EYS: variants seen among roughly 807,000 people sequenced by gnomAD.
EYS encodes EGF-like photoreceptor maintenance factor, also known as protein eyes shut homolog.
Under a neutral mutation model 282.1 loss-of-function variants are expected in EYS, and 250 were observed. The observed-to-expected ratio is 0.89, with a 90% CI of 0.80 to 0.98. The LOEUF (loss-of-function observed/expected upper bound fraction) is 0.98, where lower values mean the gene tolerates loss of function less well. Among genes scored for constraint, EYS ranks in the 50% least tolerant of loss-of-function variants. The probability of loss-of-function intolerance (pLI) is 0.00; values close to 1 mark genes in which losing one functional copy is unlikely to be tolerated. For missense variants in EYS, 4,016 were observed against 3,709.0 expected (o/e 1.08, Z -2.15); for synonymous variants, 1,355 against 1,282.9 (o/e 1.06, Z -1.20).
chr6:65,626,996 CTT>C (rs1315882807), intron 2 of EYS, among the ~76,000 whole-genome samples: 1 of 141,820 alleles, frequency 7.1e-6, no homozygotes, highest in Non-Finnish European at 1.5e-5. Context: ...TTCAGCCTGC[CTT>C]TCTTTCTCTC....
intron 31 of EYS, among the ~76,000 whole-genome samples, chr6:64,154,398 C>A (rs1317423442): frequency 6.9e-6 from 1 of 145,742 alleles, no homozygotes; most frequent in Non-Finnish European, 1.5e-5. Context: ...CGAGATCACA[C>A]CATTGTACTC....
At chr6:64,347,923 C>G (rs959145415) in intron 29 of EYS, among the ~76,000 whole-genome samples, 5 of 151,328 alleles carry the variant, frequency 3.3e-5, no homozygotes, top group Non-Finnish European at 4.4e-5. Flanking sequence ...TTACTCTCAA[C>G]CTCTACTCAC....
chr6:63,725,913 CTA>C (rs1420475624), intron 42 of EYS, among the ~76,000 whole-genome samples: 1 of 151,988 alleles, frequency 6.6e-6, no homozygotes, highest in Non-Finnish European at 1.5e-5. Context: ...AGAGATGTAA[CTA>C]TATGTGCAGA....
chr6:64,216,753 C>T (rs1457369185), intron 31 of EYS, among the ~76,000 whole-genome samples: 2 of 152,174 alleles, frequency 1.3e-5, no homozygotes, highest in Admixed American at 6.6e-5. Context: ...CTTTCAGAGG[C>T]TGCTCCTTAG....
intron 22 of EYS, among the ~76,000 whole-genome samples, chr6:64,744,949 G>T (rs984467160): frequency 1.3e-5 from 2 of 151,996 alleles, no homozygotes; most frequent in Non-Finnish European, 2.9e-5. Flanking sequence ...TAAAAACTCT[G>T]GAACAGTTAT....
intron 22 of EYS, among the ~76,000 whole-genome samples, chr6:64,772,978 ACTTTT>A (rs1385737353): frequency 4.0e-5 from 6 of 151,710 alleles, no homozygotes; most frequent in Non-Finnish European, 4.4e-5. Flanking sequence ...TCCTTTCTCA[ACTTTT>A]CTTTTCCACT....
At chr6:65,054,172 A>C (rs868769955) in intron 13 of EYS, among the ~76,000 whole-genome samples, 9 of 152,002 alleles carry the variant, frequency 5.9e-5, no homozygotes, top group African/African-American at 1.9e-4. Context: ...TAGCATTCAA[A>C]GGTTAATTCT....
chr6:65,003,297 A>C (rs1771527364), intron 13 of EYS, among the ~76,000 whole-genome samples: 1 of 147,382 alleles, frequency 6.8e-6, no homozygotes, highest in African/African-American at 2.4e-5. Context: ...GCAGGCGTGA[A>C]ATAGACCCCA....
intron 19 of EYS, among the ~76,000 whole-genome samples, chr6:64,825,609 G>A (rs923814906): frequency 1.3e-5 from 2 of 151,872 alleles, no homozygotes; most frequent in Non-Finnish European, 2.9e-5. Flanking sequence ...TCCTTGCGAA[G>A]GTGAGAGTCA....
At chr6:64,611,750 T>C (rs907231248) in intron 24 of EYS, among the ~76,000 whole-genome samples, 35 of 152,176 alleles carry the variant, frequency 2.3e-4, no homozygotes, top group African/African-American at 7.7e-4. Context: ...TGTATATGTA[T>C]TTCTTTATAA....
intron 26 of EYS, among the ~76,000 whole-genome samples, chr6:64,545,050 T>G (rs1582876135): frequency 6.6e-6 from 1 of 152,266 alleles, no homozygotes; most frequent in South Asian, 2.1e-4. Flanking sequence ...TACCAAAGCC[T>G]AGCAGAGACA....
rs917824298 is a variant in EYS, at chr6:63,756,672, G to A, written c.8071+5789C>T. ...GTTAGGGAGTGTTGTGGGAAGTCAG[G>A]ACCCCAAACGGAGGGACTGGCTGGA... On this transcript the variant is annotated intron_variant, in intron 41 of 42. Coordinates refer to ENST00000503581, the MANE Select transcript of EYS (RefSeq NM_001142800.2). Among the ~76,000 whole-genome samples, 5 of 151,996 alleles carry A rather than the reference G, an allele frequency of 3.3e-5. 1 individual carries two copies. The South Asian group carries it at 6.2e-4, about 19-fold the overall frequency.
At chr6:64,643,188 C>G (rs942892600) in intron 22 of EYS, among the ~76,000 whole-genome samples, 2 of 151,846 alleles carry the variant, frequency 1.3e-5, no homozygotes, top group Non-Finnish European at 2.9e-5. Context: ...AATGCACCCA[C>G]TTCCTTTCTT....
At chr6:64,319,730 G>GATAC (rs762061823) in intron 29 of EYS, among the ~76,000 whole-genome samples, 3 of 151,576 alleles carry the variant, frequency 2.0e-5, no homozygotes, top group African/African-American at 7.3e-5. Flanking sequence ...TGGATGGATA[G>GATAC]ACAGATAGAT....
At chr6:65,361,363 T>TA (rs10707255) in intron 8 of EYS, among the ~76,000 whole-genome samples, 20 of 151,666 alleles carry the variant, frequency 1.3e-4, no homozygotes, top group East Asian at 3.9e-4. Flanking sequence ...TAAAGTATAA[T>TA]AAAAAAAAAG....
intron 12 of EYS, among the ~76,000 whole-genome samples, chr6:65,284,983 T>A (rs1403122110): frequency 6.6e-6 from 1 of 152,090 alleles, no homozygotes; most frequent in Non-Finnish European, 1.5e-5. Context: ...TCCTTCTTTC[T>A]TAAACATGTG....
At chr6:65,344,767 A>C (rs1389806871) in intron 9 of EYS, among the ~76,000 whole-genome samples, 1 of 151,658 alleles carries the variant, frequency 6.6e-6, no homozygotes. Flanking sequence ...AAAATGGTAA[A>C]TCTCAGAATT....
chr6:64,788,303 C>T lies in EYS; in HGVS notation c.3443+25075G>A, dbSNP rs544436547. ...GAGGTGGGGGAGCTGGTCCTACCTA[C>T]GGCCTGGAAATCAGAAGCTTGAGTG... On this transcript the variant is annotated intron_variant, in intron 22 of 42. Coordinates refer to ENST00000503581, the MANE Select transcript of EYS (RefSeq NM_001142800.2). Among the ~76,000 whole-genome samples the T allele has an allele frequency of 1.2e-4, 19 of 152,172 alleles. No individual in the cohort carries two copies. The East Asian group carries it at 1.7e-3, about 14-fold the overall frequency.
At position 65,344,077 on chromosome 6, in the gene EYS, A is replaced by G. The variant is rs769726523; in HGVS notation, c.1560T>C (p.Asn520=). 4 of 1,610,482 alleles carry G rather than the reference A, an allele frequency of 2.5e-6. No homozygotes were observed. Among genetic ancestry groups the G allele is most frequent in the Admixed American group, 1.7e-5 (1 of 59,712 alleles). The change falls in exon 10 of 43, where the codon AAT becomes AAC. Residue 520 remains asparagine (N), a synonymous_variant. Coordinates refer to ENST00000503581, the MANE Select transcript of EYS (RefSeq NM_001142800.2). The part of the protein sequence containing the change: ...DATYVNDPED[N]NSSCWFPHEG... Reference sequence around the variant, plus strand: ...CATGTGGGAACCAACATGAAGAATTATTATCTTCAGGATCGTTCACATAGG... The same window carrying G: ...CATGTGGGAACCAACATGAAGAATTGTTATCTTCAGGATCGTTCACATAGG...
Sources: gnomAD v4.1 joint callset for allele counts (sites outside exome capture counted in the v4.1 genomes callset) on GRCh38, gnomAD v4.1.1 for gene constraint, MANE v1.5 for transcripts, NCBI Gene and HGNC (gene_info 2026-07-23, HGNC 2026-07-21) for gene names.